MAST4: variants seen among roughly 807,000 people sequenced by gnomAD.
MAST4 encodes microtubule-associated serine/threonine-protein kinase 4.
Under a neutral mutation model 162.7 loss-of-function variants are expected in MAST4, and 89 were observed. That is an observed-to-expected ratio of 0.55 (90% CI 0.46 to 0.65). MAST4 has a LOEUF of 0.65. MAST4 is among the 30% of genes least tolerant of loss of function. MAST4 has a pLI of 0.00. For synonymous variants in MAST4, 1,479 were observed against 1,361.1 expected (o/e 1.09, Z -1.91); for missense variants, 3,153 against 3,374.0 (o/e 0.93, Z 1.62).
In MAST4 at chr5:67,168,704, A is replaced by G. The variant is rs1561224101; in HGVS notation, c.*1653A>G. The G allele has an allele frequency of 6.6e-6, 1 of 152,204 alleles. No homozygotes were observed. Among genetic ancestry groups the G allele is most frequent in the Non-Finnish European group, 1.5e-5 (1 of 68,034 alleles). 9.4% of individuals were successfully genotyped at this position (152,204 alleles called of 1,614,324 possible). On this transcript the variant is annotated 3_prime_UTR_variant, in exon 29 of 29. Coordinates refer to ENST00000403625, the MANE Select transcript of MAST4 (RefSeq NM_001164664.2). ...CAATAAATAACTGATCTAGCACCCAAACTCTCTTGGGGGATGTCTTAGTAT... is the reference window on the plus strand; with the variant it reads ...CAATAAATAACTGATCTAGCACCCAGACTCTCTTGGGGGATGTCTTAGTAT...
chr5:66,965,589 G>C (rs1746621288), intron 4 of MAST4, among the ~76,000 whole-genome samples: 1 of 12,608 alleles, frequency 7.9e-5, no homozygotes, highest in African/African-American at 1.8e-4. Context: ...GGTGGGGGCG[G>C]GGGGGGGGGC....
At chr5:66,952,864 C>A (rs1744867378) in intron 4 of MAST4, among the ~76,000 whole-genome samples, 1 of 152,162 alleles carries the variant, frequency 6.6e-6, no homozygotes. Context: ...CTGTCTGTTC[C>A]CTGACCCACT....
intron 4 of MAST4, among the ~76,000 whole-genome samples, chr5:66,997,433 CTTTT>C (rs35005578): frequency 1.5e-5 from 2 of 134,970 alleles, no homozygotes; most frequent in African/African-American, 5.5e-5. Flanking sequence ...TTTCTTTTCT[CTTTT>C]TTTTTTTTTT....
chr5:66,718,781 G>A (rs746965132), intron 1 of MAST4, among the ~76,000 whole-genome samples: 4 of 151,984 alleles, frequency 2.6e-5, no homozygotes, highest in South Asian at 2.1e-4. Context: ...TCATGCATTC[G>A]AGGGCTTGTT....
At position 67,165,047 on chromosome 5, in the gene MAST4, G is replaced by A. The variant is rs371054420; in HGVS notation, c.5868G>A (p.Pro1956=). The change falls in exon 29 of 29, where the codon CCG becomes CCA. Residue 1956 remains proline (P), a synonymous_variant. Transcript: ENST00000403625. ...HSPDLARPRC[P]LPPEASPSRE... ...CTGACCTGGCCAGGCCACGCTGCCC[G>A]CTCCCACCTGAAGCTTCCCCCTCAA... 200 of 1,605,870 alleles carry A rather than the reference G, an allele frequency of 1.2e-4. No individual in the cohort carries two copies. The highest frequency in any genetic ancestry group is 1.6e-4 in the Non-Finnish European group (194 of 1,176,124).
At chr5:66,729,401 CT>C (rs1751707461) in intron 1 of MAST4, among the ~76,000 whole-genome samples, 1 of 152,094 alleles carries the variant, frequency 6.6e-6, no homozygotes, top group South Asian at 2.1e-4. Context: ...AGCTTTATGC[CT>C]TGAAATTCTA....
At position 67,039,961 on chromosome 5, in the gene MAST4, TTATA is replaced by T. The variant is rs34027825; in HGVS notation, c.675-14427_675-14424del. Among the ~76,000 whole-genome samples the T allele has an allele frequency of 2.0e-3, 300 of 147,908 alleles. 1 individual carries two copies. Among genetic ancestry groups the T allele is most frequent in the South Asian group, 0.014 (66 of 4,672 alleles). On this transcript the variant is annotated intron_variant, in intron 4 of 28. Coordinates refer to ENST00000403625, the MANE Select transcript of MAST4 (RefSeq NM_001164664.2). ...GTTGAGTTTGCTTTATTTTGAGATT[TTATA>T]TATATATATATATATGTGTGTGTAT... is the stretch of plus-strand genomic sequence containing the variant.
chr5:66,851,151 G>A (rs541735725), intron 3 of MAST4, among the ~76,000 whole-genome samples: 1 of 151,942 alleles, frequency 6.6e-6, no homozygotes, highest in Non-Finnish European at 1.5e-5. Flanking sequence ...TTCCATCTTG[G>A]CCCTGTTTAT....
intron 4 of MAST4, among the ~76,000 whole-genome samples, chr5:66,983,726 A>G (rs1749138568): frequency 6.6e-6 from 1 of 152,190 alleles, no homozygotes; most frequent in South Asian, 2.1e-4. Flanking sequence ...TTCATTGTGT[A>G]ATGTTGTGAT....
At chr5:66,984,781 G>T (rs772980903) in intron 4 of MAST4, among the ~76,000 whole-genome samples, 49 of 152,096 alleles carry the variant, frequency 3.2e-4, no homozygotes, top group Non-Finnish European at 5.4e-4. Flanking sequence ...GGGGCATTGA[G>T]GGAAACAGCA....
At chr5:66,625,844 C>T (rs866515704) in intron 1 of MAST4, among the ~76,000 whole-genome samples, 82 of 152,236 alleles carry the variant, frequency 5.4e-4, no homozygotes, top group South Asian at 2.3e-3. Flanking sequence ...CACTCATGTT[C>T]TTAGCATTAT....
intron 1 of MAST4, among the ~76,000 whole-genome samples, chr5:66,735,462 A>G (rs985339362): frequency 6.6e-6 from 1 of 152,190 alleles, no homozygotes; most frequent in African/African-American, 2.4e-5. Flanking sequence ...ATACAATAAG[A>G]TGGAAGGTGG....
At chr5:66,669,578 A>G (rs1003871669) in intron 1 of MAST4, among the ~76,000 whole-genome samples, 2 of 152,202 alleles carry the variant, frequency 1.3e-5, no homozygotes, top group African/African-American at 2.4e-5. Context: ...CCAGGAAAGC[A>G]GGGTAGAACT....
chr5:66,869,252 C>T (rs1324503273), intron 3 of MAST4, among the ~76,000 whole-genome samples: 1 of 152,190 alleles, frequency 6.6e-6, no homozygotes, highest in Non-Finnish European at 1.5e-5. Context: ...GAAAGGAGCA[C>T]TTTCACATCA....
intron 1 of MAST4, among the ~76,000 whole-genome samples, chr5:66,635,963 T>G (rs1367269378): frequency 1.5e-5 from 2 of 131,074 alleles, no homozygotes; most frequent in Non-Finnish European, 3.2e-5. Context: ...TTTTTTTTTT[T>G]TTTTTTTTTT....
chr5:66,799,042 G>C (rs972485893), intron 3 of MAST4, among the ~76,000 whole-genome samples: 2 of 152,068 alleles, frequency 1.3e-5, no homozygotes, highest in Non-Finnish European at 2.9e-5. Context: ...CTGTTTTCTG[G>C]ACACATTCAT....
chr5:67,062,874 A>T (rs980652237), intron 5 of MAST4, among the ~76,000 whole-genome samples: 1 of 152,172 alleles, frequency 6.6e-6, no homozygotes, highest in Admixed American at 6.5e-5. Context: ...AGTTTAGGGC[A>T]CCTTGCTGTC....
chr5:67,038,208 G>C (rs1057456314), intron 4 of MAST4, among the ~76,000 whole-genome samples: 2 of 149,342 alleles, frequency 1.3e-5, no homozygotes, highest in South Asian at 4.3e-4. Flanking sequence ...GATTTTATAT[G>C]CTGCTTTATC....
intron 4 of MAST4, among the ~76,000 whole-genome samples, chr5:66,923,110 A>G (rs1265642293): frequency 6.6e-6 from 1 of 152,226 alleles, no homozygotes; most frequent in Non-Finnish European, 1.5e-5. Flanking sequence ...AATCTGAGCG[A>G]TCTATTTCAG....
Sources: allele counts gnomAD v4.1 joint callset (sites outside exome capture counted in the v4.1 genomes callset), GRCh38; gene constraint gnomAD v4.1.1; transcripts MANE v1.5; gene names NCBI Gene and HGNC (gene_info 2026-07-23, HGNC 2026-07-21).